ESR1: variants seen among roughly 807,000 people sequenced by gnomAD.
The protein encoded by ESR1 is estrogen receptor.
A neutral mutation model predicts 52.7 loss-of-function variants in ESR1; 12 were observed. The observed-to-expected ratio is 0.23, with a 90% CI of 0.15 to 0.37. ESR1 has a LOEUF of 0.37. Ranked by LOEUF, ESR1 falls within the 10% of genes least tolerant of loss-of-function variation. ESR1 has a pLI of 1.00. For synonymous variants in ESR1, 305 were observed against 316.8 expected (o/e 0.96, Z 0.39); for missense variants, 584 against 779.7 (o/e 0.75, Z 2.99).
chr6:151,927,491 A>T lies in ESR1; in HGVS notation c.761-16682A>T, dbSNP rs564818993. Reference sequence around the variant, plus strand: ...CAGATGATTTCTTTAGAAGGTAATTAGTTATTGAATCAATATATTTAATAT... The same window carrying T: ...CAGATGATTTCTTTAGAAGGTAATTTGTTATTGAATCAATATATTTAATAT... On this transcript the variant is annotated intron_variant, in intron 3 of 7. Coordinates refer to ENST00000206249, the MANE Select transcript of ESR1 (RefSeq NM_000125.4). Among the ~76,000 whole-genome samples the T allele has an allele frequency of 2.0e-5, 3 of 152,152 alleles. No individual in the cohort carries two copies. In the South Asian group the frequency reaches 6.2e-4, roughly 31 times the overall value.
At chr6:151,908,796 C>A (rs1797828163) in intron 3 of ESR1, among the ~76,000 whole-genome samples, 1 of 151,682 alleles carries the variant, frequency 6.6e-6, no homozygotes, top group Non-Finnish European at 1.5e-5. Context: ...GAAACAAAAA[C>A]TTGTGCCCTA....
At chr6:151,879,305 T>C (rs1333367185) in intron 2 of ESR1, among the ~76,000 whole-genome samples, 1 of 152,158 alleles carries the variant, frequency 6.6e-6, no homozygotes, top group Non-Finnish European at 1.5e-5. Context: ...CCTGTAAAAT[T>C]TGGCAACGCG....
At chr6:151,961,393 A>G (rs2037643033) in intron 4 of ESR1, among the ~76,000 whole-genome samples, 1 of 152,168 alleles carries the variant, frequency 6.6e-6, no homozygotes, top group African/African-American at 2.4e-5. Flanking sequence ...ATAATTTTCC[A>G]TCTTGTCAAG....
chr6:151,745,581 C>A (rs1783422290), intron 2 of ESR1, among the ~76,000 whole-genome samples: 1 of 152,050 alleles, frequency 6.6e-6, no homozygotes, highest in Non-Finnish European at 1.5e-5. Context: ...AATAATCAAC[C>A]ATCCACCATC....
intron 2 of ESR1, among the ~76,000 whole-genome samples, chr6:151,787,975 A>G (rs970245200): frequency 6.6e-6 from 1 of 152,202 alleles, no homozygotes; most frequent in Non-Finnish European, 1.5e-5. Flanking sequence ...TGGATTAAAG[A>G]CTTAAATGAA....
chr6:151,882,228 A>G (rs1427792143), intron 3 of ESR1, among the ~76,000 whole-genome samples: 2 of 152,208 alleles, frequency 1.3e-5, no homozygotes, highest in Admixed American at 6.5e-5. Flanking sequence ...GACAGGTTTC[A>G]TAGTCCCGGG....
chr6:152,018,949 G>A, intron 5 of ESR1, among the ~76,000 whole-genome samples: 1 of 152,144 alleles, frequency 6.6e-6, no homozygotes, highest in Non-Finnish European at 1.5e-5. Context: ...AGATAGGAAA[G>A]AGTTTTGCTA....
At chr6:152,001,160 T>A (rs527699121) in intron 4 of ESR1, among the ~76,000 whole-genome samples, 10 of 152,130 alleles carry the variant, frequency 6.6e-5, no homozygotes, top group Non-Finnish European at 1.5e-4. Context: ...TGTCTTAGTC[T>A]ATTTTCTGTT....
intron 2 of ESR1, among the ~76,000 whole-genome samples, chr6:151,864,934 G>T (rs1385443990): frequency 8.7e-6 from 1 of 114,722 alleles, no homozygotes; most frequent in Non-Finnish European, 1.6e-5. Flanking sequence ...ACTGGGGCCT[G>T]TTGTGGGGTG....
At chr6:151,697,767 ATTCTATAGC>A (rs200496833) in intron 1 of ESR1, among the ~76,000 whole-genome samples, 3,103 of 152,254 alleles carry the variant, frequency 0.02, 37 homozygotes, top group East Asian at 0.032. Flanking sequence ...GTATTTTATG[ATTCTATAGC>A]TTTTGCCTTT....
chr6:151,724,063 G>A (rs944224895), intron 2 of ESR1, among the ~76,000 whole-genome samples: 13 of 152,100 alleles, frequency 8.5e-5, no homozygotes, highest in Admixed American at 3.3e-4. Flanking sequence ...TGGAACCCAC[G>A]CCTGTGGGGG....
chr6:151,681,057 A>G (rs572662431), intron 1 of ESR1, among the ~76,000 whole-genome samples: 2 of 152,158 alleles, frequency 1.3e-5, no homozygotes, highest in Non-Finnish European at 2.9e-5. Context: ...GCTGCCTGGG[A>G]TGGCTGCCGG....
intron 6 of ESR1, among the ~76,000 whole-genome samples, chr6:152,119,986 C>A (rs1351415567): frequency 6.6e-6 from 1 of 152,258 alleles, no homozygotes; most frequent in African/African-American, 2.4e-5. Flanking sequence ...ATGTTCTACA[C>A]CCCTTTGGGG....
intron 5 of ESR1, among the ~76,000 whole-genome samples, chr6:152,016,986 GA>G (rs1214164353): frequency 9.2e-5 from 14 of 152,112 alleles, no homozygotes; most frequent in Non-Finnish European, 1.6e-4. Flanking sequence ...TGATTGTAAT[GA>G]TGTCTTGTTC....
chr6:151,997,030 C>G (rs2041548328), intron 4 of ESR1, among the ~76,000 whole-genome samples: 1 of 151,708 alleles, frequency 6.6e-6, no homozygotes, highest in Non-Finnish European at 1.5e-5. Context: ...AACCAAAAAG[C>G]AGGTACTGTC....
chr6:152,099,841 A>C lies in ESR1; in HGVS notation c.*875A>C. 1 of 396,622 alleles carries C rather than the reference A, an allele frequency of 2.5e-6. No homozygotes were observed. The highest frequency in any genetic ancestry group is 4.4e-6 in the Non-Finnish European group (1 of 225,300). 24.6% of individuals were successfully genotyped at this position (396,622 alleles called of 1,614,324 possible). A position where few individuals can be genotyped will look rare whatever the true frequency, so the allele number is the denominator to read the frequency against. Reference sequence around the variant, plus strand: ...TAAGGTCAGCTTCAGGACCTGTTCCAGTGGGCACTGTACTTGGATCTTCCC... The same window carrying C: ...TAAGGTCAGCTTCAGGACCTGTTCCCGTGGGCACTGTACTTGGATCTTCCC... On this transcript the variant is annotated 3_prime_UTR_variant, in exon 8 of 8. Coordinates refer to ENST00000206249, the MANE Select transcript of ESR1 (RefSeq NM_000125.4).
chr6:152,003,338 TTATGTGTGTGTGTG>T (rs2042096711), intron 4 of ESR1, among the ~76,000 whole-genome samples: 2 of 128,632 alleles, frequency 1.6e-5, no homozygotes, highest in South Asian at 2.5e-4. Context: ...AAAAGGGTAA[TTATGTGTGTGTGTG>T]TGTGTGTGTG....
At chr6:152,056,055 A>G (rs756616924) in intron 5 of ESR1, among the ~76,000 whole-genome samples, 7 of 152,214 alleles carry the variant, frequency 4.6e-5, no homozygotes, top group Admixed American at 1.3e-4. Context: ...GGTGGCATCA[A>G]GATTTGAACC....
At chr6:151,833,422 C>A (rs1211165299) in intron 1 of ESR1, among the ~76,000 whole-genome samples, 2 of 152,066 alleles carry the variant, frequency 1.3e-5, no homozygotes, top group East Asian at 1.9e-4. Flanking sequence ...GATTCTGAAG[C>A]CTTAGGGTAG....
Sources: allele counts gnomAD v4.1 joint callset (sites outside exome capture counted in the v4.1 genomes callset), GRCh38; gene constraint gnomAD v4.1.1; transcripts MANE v1.5; gene names NCBI Gene and HGNC (gene_info 2026-07-23, HGNC 2026-07-21).